The following ACR variants were observed in gnomAD, a reference collection of about 807,000 sequenced individuals.
The protein encoded by ACR is acrosin light and heavy chain prepropeptide.
A neutral mutation model predicts 26.0 loss-of-function variants in ACR; 17 were observed. The ratio of observed to expected loss-of-function variants is 0.65; its 90% confidence interval spans 0.45 to 0.98. ACR has a LOEUF of 0.98. ACR is among the 50% of genes least tolerant of loss of function. ACR has a pLI of 0.00. For missense variants in ACR, 435 were observed against 519.3 expected, an observed-to-expected ratio of 0.84 and a Z score of 1.58; for synonymous variants, 199 against 207.7, an observed-to-expected ratio of 0.96 and a Z score of 0.36.
At position 50,738,258 on chromosome 22, in the gene ACR, C is replaced by T. The variant is rs1201476071; in HGVS notation, c.23C>T (p.Ala8Val). 1.2e-6 allele frequency: 2 copies of T among 1,614,062 alleles called. No homozygotes were observed. The highest frequency in any genetic ancestry group is 1.7e-5 in the Admixed American group (1 of 60,014). ...AGTATGGTTGAGATGCTACCAACTG[C>T]CATTCTGCTGGTCTTGGCAGTGTCC... MVEMLPT[A>V]ILLVLAVSVV... is the part of the protein sequence containing the mutation. The change falls in exon 1 of 5, where the codon GCC becomes GTC. Residue 8 changes from alanine to valine, a missense_variant. Around this residue, in one of 3 missense-constraint regions of ACR, gnomAD observed 314 missense variants for 372.0 expected, o/e 0.84. Coordinates refer to ENST00000216139, the MANE Select transcript of ACR (RefSeq NM_001097.3).
chr22:50,742,640 T>C (rs1044022936), intron 3 of ACR, among the ~76,000 whole-genome samples: 3 of 151,944 alleles, frequency 2.0e-5, no homozygotes, highest in Non-Finnish European at 4.4e-5. Flanking sequence ...GCAGTGCATG[T>C]ACAAAACTCT....
chr22:50,740,292 T>C (rs1483062583), intron 3 of ACR: 1 of 566,758 alleles, frequency 1.8e-6, no homozygotes, highest in South Asian at 2.0e-5. Flanking sequence ...GCAGCAACCC[T>C]GAAACAGCCT....
chr22:50,739,200 C>T lies in ACR; in HGVS notation c.78-71C>T. The T allele has an allele frequency of 7.2e-7, 1 of 1,389,860 alleles. No homozygotes were observed. Among genetic ancestry groups the T allele is most frequent in the East Asian group, 2.5e-5 (1 of 39,624 alleles). The allele number at this position is 1,389,860 out of a possible 1,614,324, so 86.1% of individuals were successfully genotyped here. A position where few individuals can be genotyped will look rare whatever the true frequency, so the allele number is the denominator to read the frequency against. The stretch of plus-strand genomic sequence containing the variant: ...TTCCCAACCCCATGTCCCTGCCTCC[C>T]CTCAGTTGTGGAGTTACAAGGACAG... On this transcript the variant is annotated intron_variant, in intron 1 of 4. Transcript: ENST00000216139. This position sits in a 1 kb window ranked among gnomAD's most constrained non-coding sequence, Gnocchi z 5.5.
intron 1 of ACR, 127 bp downstream of exon 1, chr22:50,738,439 T>G: frequency 1.1e-6 from 1 of 940,932 alleles, no homozygotes. Flanking sequence ...GCTCCCAGAA[T>G]CAGCAGCCTG....
intron 3 of ACR, 62 bp downstream of exon 3, chr22:50,740,039 G>C (rs1455941310): frequency 1.2e-6 from 2 of 1,603,624 alleles, no homozygotes; most frequent in Non-Finnish European, 1.7e-6. Flanking sequence ...GGTCTTTGAG[G>C]TGCAGCGGTC....
intron 1 of ACR, 23 bp downstream of exon 1, chr22:50,738,335 G>T (rs767699984): frequency 1.2e-6 from 2 of 1,611,802 alleles, no homozygotes; most frequent in African/African-American, 1.3e-5. Context: ...GCACCTTGGT[G>T]GGGGAAGGAT....
intron 3 of ACR, among the ~76,000 whole-genome samples, chr22:50,742,436 C>T (rs1171267365): frequency 3.3e-5 from 5 of 150,712 alleles, no homozygotes; most frequent in African/African-American, 7.3e-5. Context: ...CCCAGCTACT[C>T]GGGAGGCTGA....
At chr22:50,740,903 C>G (rs2083422281) in intron 3 of ACR, 1 of 573,156 alleles carries the variant, frequency 1.7e-6, no homozygotes, top group African/African-American at 1.9e-5. Context: ...TCCCTACATA[C>G]TTAGGCACAC....
In ACR at chr22:50,739,292, C is replaced by T. The variant is rs766256979; in HGVS notation, c.99C>T (p.Phe33=). 4 of 1,586,356 alleles carry T rather than the reference C, an allele frequency of 2.5e-6. No individual in the cohort carries two copies. The East Asian group carries it at 6.9e-5, about 27-fold the overall frequency. ...ATCDGPCGLR[F]RQNPQGGVRI... ...CCAGTGGCCCCTGTGGGTTACGGTT[C>T]AGGCAAAACCCACAGGGTGGTGTCC... Residue 33 remains phenylalanine (F), a synonymous_variant, in exon 2 of 5, where the codon TTC becomes TTT. Coordinates refer to ENST00000216139, the MANE Select transcript of ACR (RefSeq NM_001097.3). This position sits in a 1 kb window ranked among gnomAD's most constrained non-coding sequence, Gnocchi z 5.5.
At position 50,738,427 on chromosome 22, in the gene ACR, CT is replaced by C. The variant is rs549879096; in HGVS notation, c.77+116del. ...GCTGCATCCCTAACCTGGACCCCCC[CT>C]GCTCCCAGAATCAGCAGCCTGGAGC... On this transcript the variant is annotated intron_variant, in intron 1 of 4. Coordinates refer to ENST00000216139, the MANE Select transcript of ACR (RefSeq NM_001097.3). 3.3e-3 allele frequency: 3,556 copies of C among 1,082,698 alleles called. 15 individuals carry two copies. Among genetic ancestry groups the C allele is most frequent in the Non-Finnish European group, 4.3e-3 (3,172 of 729,436 alleles). 67.1% of individuals were successfully genotyped at this position (1,082,698 alleles called of 1,614,324 possible).
intron 3 of ACR, among the ~76,000 whole-genome samples, chr22:50,742,199 C>G (rs2083427299): frequency 6.6e-6 from 1 of 152,086 alleles, no homozygotes; most frequent in African/African-American, 2.4e-5. Flanking sequence ...ACACCTGGCT[C>G]TTCACAATAA....
Position 50,744,753 on chromosome 22 carries a change from G to C in ACR, c.812G>C (p.Arg271Pro). Residue 271 changes from arginine to proline, a missense_variant, in exon 5 of 5, where the codon CGC (arginine) becomes CCC (proline). Physicochemically the swap from Arg to Pro is moderately radical, Grantham distance 103. Transcript: ENST00000216139. ...SWGVGCARAK[R>P]PGIYTATWPY... Reference sequence around the variant, plus strand: ...GGGGTAGGCTGTGCCCGTGCCAAGCGCCCCGGAATCTACACGGCCACCTGG... The same window carrying C: ...GGGGTAGGCTGTGCCCGTGCCAAGCCCCCCGGAATCTACACGGCCACCTGG... 1 of 1,603,458 alleles carries C rather than the reference G, an allele frequency of 6.2e-7. No homozygotes were observed. The highest frequency in any genetic ancestry group is 2.3e-5 in the East Asian group (1 of 44,262).
rs1235866871 is a variant in ACR at position 50,744,656 on chromosome 22, G to T, written c.715G>T (p.Asp239Tyr). The change falls in exon 5 of 5, where the codon GAC (aspartate) becomes TAC (tyrosine). Residue 239 changes from aspartate to tyrosine, a missense_variant. Asp to Tyr is a radical substitution (Grantham distance 160). Transcript: ENST00000216139. ...ACCTCTGTGTCCTTCTGGACAGGGA[G>T]ACAGCGGCGGGCCTCTCATGTGCAA... ...PVGKIDTCQG[D>Y]SGGPLMCKDS... The T allele has an allele frequency of 6.2e-7, 1 of 1,612,358 alleles. No individual in the cohort carries two copies. The highest frequency in any genetic ancestry group is 1.7e-5 in the Admixed American group (1 of 59,940).
At chr22:50,740,664 T>C (rs1391587868) in intron 3 of ACR, 3 of 702,440 alleles carry the variant, frequency 4.3e-6, no homozygotes, top group Non-Finnish European at 7.8e-6. Flanking sequence ...TCAAGACGGG[T>C]GTAGCTGTCG....
Position 50,739,251 on chromosome 22 carries a change from G to C in ACR, c.78-20G>C. The C allele has an allele frequency of 1.3e-6, 2 of 1,552,926 alleles. No individual in the cohort carries two copies. Among genetic ancestry groups the C allele is most frequent in the Non-Finnish European group, 1.7e-6 (2 of 1,147,498 alleles). Reference sequence around the variant, plus strand: ...GCTGTGCTCATGCCAGGTTTGAACTGTGCTCTGGTCTCTCCCCAGTGGCCC... The same window carrying C: ...GCTGTGCTCATGCCAGGTTTGAACTCTGCTCTGGTCTCTCCCCAGTGGCCC... On this transcript the variant is annotated intron_variant, in intron 1 of 4. Coordinates refer to ENST00000216139, the MANE Select transcript of ACR (RefSeq NM_001097.3). This position sits in a 1 kb window ranked among gnomAD's most constrained non-coding sequence, Gnocchi z 5.5.
intron 3 of ACR, among the ~76,000 whole-genome samples, chr22:50,743,052 T>G (rs1312657461): frequency 6.6e-6 from 1 of 152,136 alleles, no homozygotes; most frequent in African/African-American, 2.4e-5. Flanking sequence ...CTTTTTTTGT[T>G]TGAGACGGAG....
rs775696022 is a variant in ACR at position 50,744,042 on chromosome 22, C to G, written c.566-19C>G. 4 of 1,547,550 alleles carry G rather than the reference C, an allele frequency of 2.6e-6. No individual in the cohort carries two copies. The highest frequency in any genetic ancestry group is 2.7e-6 in the Non-Finnish European group (3 of 1,121,956). On this transcript the variant is annotated intron_variant, in intron 3 of 4. Coordinates refer to ENST00000216139, the MANE Select transcript of ACR (RefSeq NM_001097.3). The stretch of plus-strand genomic sequence containing the variant: ...CCGTGTCTCCCGTGATCACTGACCA[C>G]CGAGTGGTCTGACTATAGCCCCCAG...
At chr22:50,742,891 G>A (rs1018529028) in intron 3 of ACR, among the ~76,000 whole-genome samples, 10 of 152,280 alleles carry the variant, frequency 6.6e-5, no homozygotes, top group African/African-American at 2.2e-4. Flanking sequence ...CAGGGTTGTA[G>A]GTGCTGCTGC....
rs368378183 is a variant in ACR, at chr22:50,738,301, C to A, written c.66C>A (p.Asn22Lys). 1.9e-6 allele frequency: 3 copies of A among 1,613,876 alleles called. No homozygotes were observed. The highest frequency in any genetic ancestry group is 2.2e-5 in the South Asian group (2 of 91,062). The change falls in exon 1 of 5, where the codon AAC (asparagine) becomes AAA (lysine). Residue 22 changes from asparagine (N) to lysine (K), a missense_variant. Asn to Lys is a moderately conservative substitution (Grantham distance 94). Transcript: ENST00000216139. ...VLAVSVVAKD[N>K]ATCDGPCGLR... ...CAGTGTCCGTGGTTGCTAAAGATAA[C>A]GCCACGTGTGAGTAAGTGTCGGGGC...
Sources: allele counts gnomAD v4.1 joint callset (sites outside exome capture counted in the v4.1 genomes callset), GRCh38; gene constraint gnomAD v4.1.1; regional missense constraint gnomAD v4.1.1; non-coding constraint Gnocchi (gnomAD v3.1); transcripts MANE v1.5; gene names NCBI Gene and HGNC (gene_info 2026-07-23, HGNC 2026-07-21).